AGAP3: variants seen among roughly 807,000 people sequenced by gnomAD.
The protein encoded by AGAP3 is arf-GAP with GTPase, ANK repeat and PH domain-containing protein 3.
In AGAP3, 24 loss-of-function variants were observed where a neutral mutation model predicts 96.9. The observed-to-expected ratio is 0.25, with a 90% CI of 0.18 to 0.35. The LOEUF (loss-of-function observed/expected upper bound fraction) is 0.35. Ranked by LOEUF, AGAP3 falls within the 10% of genes least tolerant of loss-of-function variation. The pLI is 1.00. For synonymous variants in AGAP3, 563 were observed against 536.1 expected (o/e 1.05, Z -0.69); for missense variants, 876 against 1,254.2 (o/e 0.70, Z 4.55).
intron 8 of AGAP3, chr7:151,121,005 G>A (rs540944993): frequency 1.0e-4 from 27 of 270,952 alleles, no homozygotes; most frequent in Middle Eastern, 3.4e-3. Context: ...GAGAGCGCCC[G>A]CCCCTCCGCG....
chr7:151,100,494 G>T (rs1978655), intron 1 of AGAP3, among the ~76,000 whole-genome samples: 1,536 of 152,096 alleles, frequency 0.01, 26 homozygotes, highest in African/African-American at 0.034. Flanking sequence ...AGCAAGCTGC[G>T]GTGTAAACCT....
intron 1 of AGAP3, chr7:151,112,391 C>T (rs1180520015): frequency 7.4e-6 from 1 of 134,740 alleles, no homozygotes; most frequent in African/African-American, 2.8e-5. Flanking sequence ...CTGCCTTCCC[C>T]GAGACGTGTG....
At chr7:151,103,582 C>T (rs1337666299) in intron 1 of AGAP3, among the ~76,000 whole-genome samples, 2 of 152,182 alleles carry the variant, frequency 1.3e-5, no homozygotes, top group Non-Finnish European at 2.9e-5. Flanking sequence ...GACACACTGA[C>T]ACATCTTCCC....
In AGAP3 at chr7:151,114,801, T is replaced by C. The variant is rs964898546; in HGVS notation, c.332-1992T>C. The C allele has an allele frequency of 1.9e-6, 2 of 1,047,874 alleles. No individual in the cohort carries two copies. The highest frequency in any genetic ancestry group is 1.7e-5 in the African/African-American group (1 of 57,650). The allele number at this position is 1,047,874 out of a possible 1,614,324, so 64.9% of individuals were successfully genotyped here. On this transcript the variant is annotated intron_variant, in intron 1 of 17. Coordinates refer to ENST00000397238, the MANE Select transcript of AGAP3 (RefSeq NM_031946.7). This position sits in a 1 kb window ranked among gnomAD's most constrained non-coding sequence, Gnocchi z 4.4. Reference sequence around the variant, plus strand: ...GCGGGGCTGGCCGCAGGGGGACAGCTGTCCCGGGGAGCGGCCCGCCGCTTG... The same window carrying C: ...GCGGGGCTGGCCGCAGGGGGACAGCCGTCCCGGGGAGCGGCCCGCCGCTTG...
In AGAP3 at chr7:151,118,343, C is replaced by T. The variant is rs759202181; in HGVS notation, c.840C>T (p.Asp280=). 2.8e-5 allele frequency: 45 copies of T among 1,609,188 alleles called. No individual in the cohort carries two copies. The highest frequency in any genetic ancestry group is 3.4e-5 in the Non-Finnish European group (40 of 1,176,314). The change falls in exon 6 of 18, where the codon GAC becomes GAT. Residue 280 remains aspartate (D), a splice_region_variant and synonymous_variant. Transcript: ENST00000397238. This position sits in a 1 kb window ranked among gnomAD's most constrained non-coding sequence, Gnocchi z 6.1. ...TCAATGTGGAGCGTGTCTTCCAGGA[C>T]GGTAACTCGGGTGCCGGGTGGGAGT... ...YGLNVERVFQ[D]VAQKVVALRK... is the part of the protein sequence containing the mutation.
chr7:151,095,513 AG>A (rs1203860637), intron 1 of AGAP3, among the ~76,000 whole-genome samples: 2 of 152,064 alleles, frequency 1.3e-5, no homozygotes, highest in African/African-American at 4.8e-5. Context: ...GTGGGATCAA[AG>A]CCTGTCACAG....
intron 9 of AGAP3, among the ~76,000 whole-genome samples, chr7:151,124,214 G>A (rs1334020182): frequency 6.6e-6 from 1 of 152,234 alleles, no homozygotes; most frequent in African/African-American, 2.4e-5. Context: ...GGCTCTCTAA[G>A]GAAAATGAGC....
In AGAP3 at chr7:151,141,938, T is replaced by C. The variant is rs761142992; in HGVS notation, c.1845T>C (p.Thr615=). The C allele has an allele frequency of 4.5e-6, 7 of 1,554,432 alleles. No individual in the cohort carries two copies. In the East Asian group the frequency reaches 9.8e-5, roughly 22 times the overall value. The stretch of plus-strand genomic sequence containing the variant: ...TTGAATTTGTGGTGGTGTCCCTCAC[T>C]GGGCAGACGTGGCACTTCGAGGCTT... ...ESFEFVVVSL[T]GQTWHFEAST... is the part of the protein sequence containing the mutation. Residue 615 remains threonine, a synonymous_variant, in exon 14 of 18, where the codon ACT becomes ACC. Transcript: ENST00000397238. This position sits in a 1 kb window ranked among gnomAD's most constrained non-coding sequence, Gnocchi z 4.2.
At chr7:151,089,464 C>T (rs757886366) in intron 1 of AGAP3, among the ~76,000 whole-genome samples, 20 of 151,556 alleles carry the variant, frequency 1.3e-4, no homozygotes, top group Non-Finnish European at 2.9e-4. Context: ...TGGAAAGGGG[C>T]GGCAGTTCCG....
chr7:151,123,166 C>G (rs1799994421), intron 8 of AGAP3: 4 of 1,074,630 alleles, frequency 3.7e-6, no homozygotes, highest in Middle Eastern at 4.3e-4. Flanking sequence ...CTGCATGGAC[C>G]TCTGCCGTTC....
In AGAP3 at chr7:151,144,195, C is replaced by T. The variant is rs1800933243; in HGVS notation, c.*252C>T. 7.7e-6 allele frequency: 4 copies of T among 520,016 alleles called. No homozygotes were observed. In the East Asian group the frequency reaches 1.3e-4, roughly 17 times the overall value. The allele number at this position is 520,016 out of a possible 1,614,324, so 32.2% of individuals were successfully genotyped here. On this transcript the variant is annotated 3_prime_UTR_variant, in exon 18 of 18. Coordinates refer to ENST00000397238, the MANE Select transcript of AGAP3 (RefSeq NM_031946.7). Reference sequence around the variant, plus strand: ...AAGGGACAGGACCCTTCGGAGGTGCCTGTGAGGAGAGGGGAGCAGGACCTC... The same window carrying T: ...AAGGGACAGGACCCTTCGGAGGTGCTTGTGAGGAGAGGGGAGCAGGACCTC...
intron 3 of AGAP3, 39 bp from the exon 4 acceptor site, chr7:151,117,332 T>C: frequency 5.0e-6 from 8 of 1,613,014 alleles, no homozygotes; most frequent in Non-Finnish European, 6.8e-6. Flanking sequence ...CCTGGATTCT[T>C]TCTCCACACT....
chr7:151,129,298 A>G (rs79530397), intron 10 of AGAP3, among the ~76,000 whole-genome samples: 52,671 of 151,278 alleles, frequency 0.35, 9,234 homozygotes, highest in Admixed American at 0.44. Context: ...GGGGCTAATG[A>G]GTTCTCCTGT....
chr7:151,106,625 G>A (rs1011639525), intron 1 of AGAP3, among the ~76,000 whole-genome samples: 10 of 151,992 alleles, frequency 6.6e-5, no homozygotes, highest in African/African-American at 2.2e-4. Flanking sequence ...TTACAGGCAC[G>A]TACCACCACA....
Position 151,139,222 on chromosome 7 carries a change from G to A in AGAP3, c.1667-757G>A, listed in dbSNP as rs1217052580. ...CAAAGGCCTTCCCTGAGCCCTCCCA[G>A]TAGGAGCCCTGAGGCCCAGCCTCTG... On this transcript the variant is annotated intron_variant, in intron 12 of 17. Transcript: ENST00000397238. This position sits in a 1 kb window ranked among gnomAD's most constrained non-coding sequence, Gnocchi z 4.9. Among the ~76,000 whole-genome samples, 1 of 152,214 alleles carries A rather than the reference G, an allele frequency of 6.6e-6. No individual in the cohort carries two copies. The highest frequency in any genetic ancestry group is 1.9e-4 in the East Asian group (1 of 5,190).
intron 1 of AGAP3, among the ~76,000 whole-genome samples, chr7:151,102,825 A>C (rs1798888839): frequency 6.6e-6 from 1 of 152,108 alleles, no homozygotes; most frequent in South Asian, 2.1e-4. Context: ...CATGTTGCCC[A>C]GGCTGGTCTC....
In AGAP3 at chr7:151,098,330, G is replaced by C. The variant is rs1798692124; in HGVS notation, c.331+11258G>C. Among the ~76,000 whole-genome samples, 3 of 152,152 alleles carry C rather than the reference G, an allele frequency of 2.0e-5. No homozygotes were observed. In the South Asian group the frequency reaches 6.2e-4, roughly 32 times the overall value. On this transcript the variant is annotated intron_variant, in intron 1 of 17. Transcript: ENST00000397238. Reference sequence around the variant, plus strand: ...GCTGAGATTGCACCACTGCACTTCAGCTTGGGCGACAGAGGGAGACCCTGG... The same window carrying C: ...GCTGAGATTGCACCACTGCACTTCACCTTGGGCGACAGAGGGAGACCCTGG...
At position 151,116,771 on chromosome 7, in the gene AGAP3, G is replaced by A. The variant is rs368165513; in HGVS notation, c.332-22G>A. 4.3e-5 allele frequency: 69 copies of A among 1,614,022 alleles called. No homozygotes were observed. The African/African-American group carries it at 5.2e-4, about 12-fold the overall frequency. On this transcript the variant is annotated intron_variant, in intron 1 of 17. Transcript: ENST00000397238. The stretch of plus-strand genomic sequence containing the variant: ...GTGTGTGTGCCACCCTGGCCCTGAC[G>A]GGGCGGCTCTGTCTTCCGCAGACTC...
Position 151,120,827 on chromosome 7 carries a change from G to A in AGAP3, c.1128+682G>A, listed in dbSNP as rs1330528467. The A allele has an allele frequency of 9.5e-6, 11 of 1,160,642 alleles. No individual in the cohort carries two copies. In the East Asian group the frequency reaches 4.0e-4, roughly 42 times the overall value. 71.9% of individuals were successfully genotyped at this position (1,160,642 alleles called of 1,614,324 possible). On this transcript the variant is annotated intron_variant, in intron 8 of 17. Transcript: ENST00000397238. ...CACCTGGGGGCTGTTGTGCTGGCCC[G>A]GCTGAGGGTGGCCTCTGGCTCTCAG...
Sources: allele counts gnomAD v4.1 joint callset (sites outside exome capture counted in the v4.1 genomes callset), GRCh38; gene constraint gnomAD v4.1.1; non-coding constraint Gnocchi (gnomAD v3.1); transcripts MANE v1.5; gene names NCBI Gene and HGNC (gene_info 2026-07-23, HGNC 2026-07-21).